The following GPRC5A variants were observed in gnomAD, a reference collection of about 807,000 sequenced individuals.
GPRC5A encodes the protein retinoic acid-induced protein 3.
Under a neutral mutation model 22.5 loss-of-function variants are expected in GPRC5A, and 19 were observed. The ratio of observed to expected loss-of-function variants is 0.85; its 90% CI spans 0.59 to 1.24. The LOEUF is 1.24. GPRC5A is among the 50% of genes most tolerant of loss of function. The probability of loss-of-function intolerance (pLI) is 0.00; values close to 1 mark genes in which losing one functional copy is unlikely to be tolerated. For missense variants in GPRC5A, 471 were observed against 451.1 expected (o/e 1.04, Z -0.40); for synonymous variants, 192 against 184.5 (o/e 1.04, Z -0.33).
chr12:12,916,018 GTTATTA>G lies in GPRC5A; in HGVS notation c.*3482_*3487del, dbSNP rs1161717139. 3.6e-6 allele frequency: 1 copy of G among 281,034 alleles called. No homozygotes were observed. The highest frequency in any genetic ancestry group is 2.3e-5 in the African/African-American group (1 of 43,888). The allele number at this position is 281,034 out of a possible 1,614,324, so 17.4% of individuals were successfully genotyped here. ...GCACATAAATAAGCTATTTTTAAAAGTTATTATTTTTTTACTCTTTCTTTTCTTTGG... is the reference window on the plus strand; with the variant it reads ...GCACATAAATAAGCTATTTTTAAAAGTTTTTTTACTCTTTCTTTTCTTTGG... On this transcript the variant is annotated 3_prime_UTR_variant, in exon 4 of 4. Transcript: ENST00000014914.
chr12:12,900,965 A>G (rs1166841847), intron 1 of GPRC5A, among the ~76,000 whole-genome samples: 3 of 151,838 alleles, frequency 2.0e-5, no homozygotes, highest in Non-Finnish European at 4.4e-5. Flanking sequence ...CAAAAGAACC[A>G]AAAACCCCTT....
rs1864017181 is a variant in GPRC5A at position 12,912,644 on chromosome 12, A to C, written c.*105A>C. On this transcript the variant is annotated 3_prime_UTR_variant, in exon 4 of 4. Transcript: ENST00000014914. ...GTCTTCTGAGAAAACTGTACAAGAC[A>C]CTACGGGAACAGTTTGCCTCCCTCC... is the stretch of plus-strand genomic sequence containing the variant. 3 of 711,032 alleles carry C rather than the reference A, an allele frequency of 4.2e-6. No homozygotes were observed. The highest frequency in any genetic ancestry group is 5.1e-5 in the East Asian group (2 of 39,574). The allele number at this position is 711,032 out of a possible 1,614,324, so 44.0% of individuals were successfully genotyped here.
At chr12:12,906,078 G>GAGTA (rs1429810182) in intron 1 of GPRC5A, among the ~76,000 whole-genome samples, 6 of 152,130 alleles carry the variant, frequency 3.9e-5, no homozygotes, top group African/African-American at 1.4e-4. Context: ...GAGACACGTA[G>GAGTA]AGTACTTGAG....
intron 1 of GPRC5A, among the ~76,000 whole-genome samples, chr12:12,898,541 A>AAAAAAAG (rs962983297): frequency 4.6e-5 from 7 of 152,146 alleles, no homozygotes; most frequent in African/African-American, 1.7e-4. Flanking sequence ...CAAAAGAAAA[A>AAAAAAAG]AAAAAAGAAA....
intron 1 of GPRC5A, among the ~76,000 whole-genome samples, chr12:12,898,674 A>C (rs1042781631): frequency 1.1e-4 from 17 of 152,230 alleles, no homozygotes; most frequent in African/African-American, 4.1e-4. Context: ...ACAAAGCTAC[A>C]CTTAGCATCT....
At chr12:12,895,073 C>T (rs569914044) in intron 1 of GPRC5A, among the ~76,000 whole-genome samples, 3 of 152,102 alleles carry the variant, frequency 2.0e-5, no homozygotes, top group Admixed American at 6.6e-5. Flanking sequence ...CCACCGTGCC[C>T]GGCCCAGGAT....
chr12:12,909,198 G>T, intron 2 of GPRC5A, 27 bp downstream of exon 2: 1 of 1,466,902 alleles, frequency 6.8e-7, no homozygotes, highest in South Asian at 1.2e-5. Context: ...GCTAGGCAGA[G>T]AATCCCTTGT....
Position 12,915,827 on chromosome 12 carries a change from C to T in GPRC5A, c.*3288C>T, listed in dbSNP as rs773961268. On this transcript the variant is annotated 3_prime_UTR_variant, in exon 4 of 4. Transcript: ENST00000014914. ...CACCGCGCCCGGCCCCGTTGTTTCC[C>T]TTCTAAGAAACGCAGTGGTCTCTGA... 1.3e-5 allele frequency: 7 copies of T among 518,556 alleles called. No homozygotes were observed. The allele number at this position is 518,556 out of a possible 1,614,324, so 32.1% of individuals were successfully genotyped here. A position where few individuals can be genotyped will look rare whatever the true frequency, so the allele number is the denominator to read the frequency against.
intron 1 of GPRC5A, among the ~76,000 whole-genome samples, chr12:12,904,884 GTTT>G (rs146219111): frequency 0.43 from 53,956 of 126,674 alleles, 10,233 homozygotes; most frequent in East Asian, 0.87. Context: ...AAATTTTGTG[GTTT>G]TTTTTTTTTT....
rs750168853 is a variant in GPRC5A, at chr12:12,908,363, G to A, written c.114G>A (p.Gly38=). The A allele has an allele frequency of 1.9e-6, 3 of 1,614,096 alleles. No homozygotes were observed. The highest frequency in any genetic ancestry group is 4.5e-5 in the East Asian group (2 of 44,878). ...GIVLETVATA[G]VVTSVAFMLT... is the part of the protein sequence containing the mutation. ...TCCTAGAAACGGTGGCCACAGCCGG[G>A]GTTGTGACCTCGGTGGCCTTCATGC... Residue 38 remains glycine, a synonymous_variant, in exon 2 of 4, where the codon GGG becomes GGA. Coordinates refer to ENST00000014914, the MANE Select transcript of GPRC5A (RefSeq NM_003979.4).
At chr12:12,905,270 C>T (rs1592350046) in intron 1 of GPRC5A, among the ~76,000 whole-genome samples, 1 of 152,296 alleles carries the variant, frequency 6.6e-6, no homozygotes, top group East Asian at 1.9e-4. Context: ...TGCTTCCCAA[C>T]CCGAGTCCTT....
At chr12:12,899,764 T>C (rs1000683386) in intron 1 of GPRC5A, among the ~76,000 whole-genome samples, 2 of 152,058 alleles carry the variant, frequency 1.3e-5, no homozygotes, top group Non-Finnish European at 2.9e-5. Flanking sequence ...AATTCGAGAA[T>C]AGAGAAAAAA....
intron 1 of GPRC5A, among the ~76,000 whole-genome samples, chr12:12,902,963 A>T (rs555324744): frequency 2.2e-4 from 34 of 152,274 alleles, no homozygotes; most frequent in African/African-American, 8.2e-4. Flanking sequence ...GCTACTCGGG[A>T]GGCTGAGGTA....
At chr12:12,905,892 T>C (rs1863937019) in intron 1 of GPRC5A, among the ~76,000 whole-genome samples, 1 of 152,174 alleles carries the variant, frequency 6.6e-6, no homozygotes, top group South Asian at 2.1e-4. Context: ...TTTCTCACTT[T>C]GTGGATGGTC....
rs1416209459 is a variant in GPRC5A, at chr12:12,908,837, C to A, written c.588C>A (p.Ser196=). The change falls in exon 2 of 4, where the codon TCC becomes TCA. Residue 196 remains serine (S), a synonymous_variant. Coordinates refer to ENST00000014914, the MANE Select transcript of GPRC5A (RefSeq NM_003979.4). ...TGGCGCTGACCTTCCTCATGTCCTCCTTCACCTTCTGTGGTTCCTTCACGG... is the reference window on the plus strand; with the variant it reads ...TGGCGCTGACCTTCCTCATGTCCTCATTCACCTTCTGTGGTTCCTTCACGG... ...FLMALTFLMS[S]FTFCGSFTGW... The A allele has an allele frequency of 6.2e-7, 1 of 1,614,058 alleles. No homozygotes were observed. Among genetic ancestry groups the A allele is most frequent in the Non-Finnish European group, 8.5e-7 (1 of 1,179,996 alleles).
At chr12:12,898,911 A>T (rs1863851822) in intron 1 of GPRC5A, among the ~76,000 whole-genome samples, 1 of 152,200 alleles carries the variant, frequency 6.6e-6, no homozygotes, top group African/African-American at 2.4e-5. Context: ...ACTAGGTAGA[A>T]TGGGTCACTG....
chr12:12,915,712 G>T lies in GPRC5A; in HGVS notation c.*3173G>T, dbSNP rs1232411420. 7 of 297,712 alleles carry T rather than the reference G, an allele frequency of 2.4e-5. No homozygotes were observed. Among genetic ancestry groups the T allele is most frequent in the Non-Finnish European group, 3.7e-5 (5 of 135,730 alleles). The allele number at this position is 297,712 out of a possible 1,614,324, so 18.4% of individuals were successfully genotyped here. ...TCACTATATGGGCCAGGCAGATCTC[G>T]AACTCCAAACCTCGTGATCCACCTA... On this transcript the variant is annotated 3_prime_UTR_variant, in exon 4 of 4. Coordinates refer to ENST00000014914, the MANE Select transcript of GPRC5A (RefSeq NM_003979.4).
At position 12,917,929 on chromosome 12, in the gene GPRC5A, G is replaced by A. The variant is rs562202833; in HGVS notation, c.*5390G>A. The A allele has an allele frequency of 7.2e-5, 11 of 152,136 alleles. 1 individual carries two copies. In the South Asian group the frequency reaches 1.5e-3, roughly 20 times the overall value. The allele number at this position is 152,136 out of a possible 1,614,324, so 9.4% of individuals were successfully genotyped here. On this transcript the variant is annotated 3_prime_UTR_variant, in exon 4 of 4. Coordinates refer to ENST00000014914, the MANE Select transcript of GPRC5A (RefSeq NM_003979.4). ...ACAATAACATTTTAAATAAAACAAC[G>A]ACAAAGAAGTCTGAGTCAGGTGGTA...
At chr12:12,893,823 G>C (rs148093335) in intron 1 of GPRC5A, among the ~76,000 whole-genome samples, 1 of 152,088 alleles carries the variant, frequency 6.6e-6, no homozygotes, top group Non-Finnish European at 1.5e-5. Context: ...ACGTGATCTC[G>C]GCTCACTGAA....
Sources: allele counts gnomAD v4.1 joint callset (sites outside exome capture counted in the v4.1 genomes callset), GRCh38; gene constraint gnomAD v4.1.1; transcripts MANE v1.5; gene names NCBI Gene and HGNC (gene_info 2026-07-23, HGNC 2026-07-21).